Variants in MAP2K6 observed in about 807,000 individuals in gnomAD.
MAP2K6 encodes the protein dual specificity mitogen-activated protein kinase kinase 6.
Under a neutral mutation model 53.7 loss-of-function variants are expected in MAP2K6, and 16 were observed. The observed-to-expected ratio is 0.30, with a 90% CI of 0.20 to 0.45. The LOEUF (loss-of-function observed/expected upper bound fraction) is 0.45. Among genes scored for constraint, MAP2K6 ranks in the 20% least tolerant of loss-of-function variants. MAP2K6 has a pLI of 1.00. For synonymous variants in MAP2K6, 132 were observed against 143.1 expected (o/e 0.92, Z 0.55); for missense variants, 204 against 411.9 (o/e 0.50, Z 4.37).
At chr17:69,529,791 T>A (rs2716199) in intron 10 of MAP2K6, among the ~76,000 whole-genome samples, 96,158 of 152,004 alleles carry the variant, frequency 0.63, 30,810 homozygotes, top group Middle Eastern at 0.74. Context: ...GATTACAGGC[T>A]TGAGCCACTG....
At chr17:69,519,696 T>C (rs1199557611) in intron 5 of MAP2K6, 1 of 422,676 alleles carries the variant, frequency 2.4e-6, no homozygotes, top group Non-Finnish European at 4.3e-6. Flanking sequence ...CAGAACTTTC[T>C]ATATCGCCTA....
At chr17:69,526,454 A>G in intron 9 of MAP2K6, 116 bp from the exon 10 acceptor site, 1 of 1,089,160 alleles carries the variant, frequency 9.2e-7, no homozygotes, top group South Asian at 1.5e-5. Flanking sequence ...CTACCCCTGG[A>G]CTTATACTTG....
intron 1 of MAP2K6, among the ~76,000 whole-genome samples, chr17:69,493,874 G>C (rs922192551): frequency 3.9e-5 from 6 of 152,124 alleles, no homozygotes; most frequent in African/African-American, 1.4e-4. Context: ...AATTGACAGA[G>C]ATGAAAATGT....
intron 1 of MAP2K6, among the ~76,000 whole-genome samples, chr17:69,464,011 C>A (rs575101090): frequency 6.6e-6 from 1 of 151,818 alleles, no homozygotes. Context: ...CATAGGCTCA[C>A]CAGTACAACA....
At chr17:69,509,309 T>C (rs1909688615) in intron 2 of MAP2K6, among the ~76,000 whole-genome samples, 1 of 152,236 alleles carries the variant, frequency 6.6e-6, no homozygotes, top group African/African-American at 2.4e-5. Flanking sequence ...AATTCCTCTA[T>C]ATTAGATTTT....
At chr17:69,499,324 G>A (rs1423592020) in intron 1 of MAP2K6, among the ~76,000 whole-genome samples, 1 of 152,184 alleles carries the variant, frequency 6.6e-6, no homozygotes, top group East Asian at 1.9e-4. Context: ...ACAAAAGGAA[G>A]TATTTATTGA....
At position 69,507,681 on chromosome 17, in the gene MAP2K6, A is replaced by T. The variant is rs531818705; in HGVS notation, c.83+1835A>T. Among the ~76,000 whole-genome samples, 7 of 152,270 alleles carry T rather than the reference A, an allele frequency of 4.6e-5. No individual in the cohort carries two copies. In the South Asian group the frequency reaches 1.2e-3, roughly 27 times the overall value. ...TGTTCCATTTTATTGCTAAGTACCC[A>T]TCCATGGTATGGTTATACCACAGTT... On this transcript the variant is annotated intron_variant, in intron 2 of 11. Transcript: ENST00000590474.
intron 9 of MAP2K6, 65 bp downstream of exon 9, chr17:69,525,043 T>A (rs1422055105): frequency 1.4e-6 from 2 of 1,421,572 alleles, no homozygotes; most frequent in Non-Finnish European, 2.0e-6. Flanking sequence ...GAGGTGGACG[T>A]TGGGTTCAAG....
chr17:69,457,057 G>A (rs1163853197), intron 1 of MAP2K6, among the ~76,000 whole-genome samples: 1 of 152,032 alleles, frequency 6.6e-6, no homozygotes. Flanking sequence ...CCTTTTCCTT[G>A]TGGAACCATC....
intron 1 of MAP2K6, among the ~76,000 whole-genome samples, chr17:69,420,627 C>A (rs933173544): frequency 6.6e-6 from 1 of 152,176 alleles, no homozygotes; most frequent in Non-Finnish European, 1.5e-5. Context: ...GAGTGACTTT[C>A]CTGAAGACAG....
chr17:69,512,745 G>C (rs1394808559), intron 2 of MAP2K6, among the ~76,000 whole-genome samples: 1 of 152,134 alleles, frequency 6.6e-6, no homozygotes, highest in African/African-American at 2.4e-5. Context: ...TTCAATAGAG[G>C]TAATAACACC....
chr17:69,472,670 G>A (rs868548757), intron 1 of MAP2K6, among the ~76,000 whole-genome samples: 7 of 152,176 alleles, frequency 4.6e-5, no homozygotes, highest in Middle Eastern at 3.2e-3. Context: ...CCCTGAACTG[G>A]AGTAATTGGC....
In MAP2K6 at chr17:69,553,380, A is replaced by G. The variant is rs1288638908; in HGVS notation, c.*11627A>G. 2 of 152,202 alleles carry G rather than the reference A, an allele frequency of 1.3e-5. No homozygotes were observed. The highest frequency in any genetic ancestry group is 4.8e-5 in the African/African-American group (2 of 41,460). 9.4% of individuals were successfully genotyped at this position (152,202 alleles called of 1,614,324 possible). ...ACCAAGGAAACAGCTGAGATATTAA[A>G]CCATGTGGTTGTTCCACGGTTCATC... On this transcript the variant is annotated 3_prime_UTR_variant, in exon 12 of 12. Coordinates refer to ENST00000590474, the MANE Select transcript of MAP2K6 (RefSeq NM_002758.4).
chr17:69,437,542 C>T (rs1165753933), intron 1 of MAP2K6, among the ~76,000 whole-genome samples: 1 of 152,074 alleles, frequency 6.6e-6, no homozygotes, highest in East Asian at 1.9e-4. Flanking sequence ...GTTCAAGGGC[C>T]AACTGTATAT....
chr17:69,421,285 G>A (rs1906070807), intron 1 of MAP2K6, among the ~76,000 whole-genome samples: 1 of 152,182 alleles, frequency 6.6e-6, no homozygotes, highest in South Asian at 2.1e-4. Context: ...GAAGTTGCAA[G>A]AACAGCATGA....
Position 69,520,303 on chromosome 17 carries a change from A to G in MAP2K6, c.400A>G (p.Thr134Ala). Reference protein sequence around the residue: ...DVWICMELMDTSLDKFYKQVI... With the variant: ...DVWICMELMDASLDKFYKQVI... ...GTGGATCTGCATGGAGCTCATGGAT[A>G]CATCACTAGATAAATTCTACAAACA... is the stretch of plus-strand genomic sequence containing the variant. The change falls in exon 6 of 12, where the codon ACA becomes GCA. Residue 134 changes from threonine to alanine, a missense_variant. Coordinates refer to ENST00000590474, the MANE Select transcript of MAP2K6 (RefSeq NM_002758.4). The G allele has an allele frequency of 6.2e-7, 1 of 1,610,386 alleles. No individual in the cohort carries two copies. Among genetic ancestry groups the G allele is most frequent in the Non-Finnish European group, 8.5e-7 (1 of 1,178,108 alleles).
At chr17:69,479,518 T>G (rs1908274806) in intron 1 of MAP2K6, among the ~76,000 whole-genome samples, 1 of 151,926 alleles carries the variant, frequency 6.6e-6, no homozygotes, top group Non-Finnish European at 1.5e-5. Context: ...TGTACAAATA[T>G]TCCAAAATTA....
rs1911682464 is a variant in MAP2K6, at chr17:69,542,376, T to G, written c.*623T>G. 6.6e-6 allele frequency: 1 copy of G among 152,652 alleles called. No homozygotes were observed. Among genetic ancestry groups the G allele is most frequent in the South Asian group, 2.1e-4 (1 of 4,836 alleles). 9.5% of individuals were successfully genotyped at this position (152,652 alleles called of 1,614,324 possible). A position where few individuals can be genotyped will look rare whatever the true frequency, so the allele number is the denominator to read the frequency against. ...TTCCAGCTGTTGTGACTGCTGCCAT[T>G]TTTGCAAACATCTGCCCAATCCTGG... On this transcript the variant is annotated 3_prime_UTR_variant, in exon 12 of 12. Transcript: ENST00000590474.
At chr17:69,470,100 G>A (rs984567243) in intron 1 of MAP2K6, among the ~76,000 whole-genome samples, 1 of 152,178 alleles carries the variant, frequency 6.6e-6, no homozygotes, top group Non-Finnish European at 1.5e-5. Flanking sequence ...AGCTACTCAG[G>A]AGGCTAAGGT....
Sources: gnomAD v4.1 joint callset for allele counts (sites outside exome capture counted in the v4.1 genomes callset) on GRCh38, gnomAD v4.1.1 for gene constraint, MANE v1.5 for transcripts, NCBI Gene and HGNC (gene_info 2026-07-23, HGNC 2026-07-21) for gene names.